The following REPS1 variants were observed in gnomAD, a reference collection of about 807,000 sequenced individuals.
REPS1 encodes the protein ralBP1-associated Eps domain-containing protein 1.
Under a neutral mutation model 100.9 loss-of-function variants are expected in REPS1, and 39 were observed. The ratio of observed to expected loss-of-function variants is 0.39; its 90% confidence interval spans 0.30 to 0.50. REPS1 has a LOEUF of 0.50. Among genes scored for constraint, REPS1 ranks in the 20% least tolerant of loss-of-function variants. The pLI, the probability that REPS1 is intolerant of heterozygous loss-of-function variation, is 0.86. For missense variants in REPS1, 821 were observed against 968.5 expected (o/e 0.85, Z 2.02); for synonymous variants, 324 against 340.3 (o/e 0.95, Z 0.53).
rs1377280156 is a variant in REPS1 at position 138,935,866 on chromosome 6, G to C, written c.1135+5469C>G. Among the ~76,000 whole-genome samples, 7 of 73,254 alleles carry C rather than the reference G, an allele frequency of 9.6e-5. 2 individuals are homozygous for C. The highest frequency in any genetic ancestry group is 1.1e-3 in the South Asian group (2 of 1,832). The allele number at this position is 73,254 out of a possible 152,430, so 48.1% of individuals were successfully genotyped here. ...AAGACTCCATCTTGGCGGGGGGGGG[G>C]GGCGCGGGGGAGTGGTGGCCAGGGA... is the stretch of plus-strand genomic sequence containing the variant. On this transcript the variant is annotated intron_variant, in intron 8 of 19. Coordinates refer to ENST00000450536, the MANE Select transcript of REPS1 (RefSeq NM_001286611.2).
At chr6:138,908,936 C>G in intron 17 of REPS1, 120 bp from the exon 18 acceptor site, 1 of 870,274 alleles carries the variant, frequency 1.1e-6, no homozygotes, top group Non-Finnish European at 1.7e-6. Context: ...GTTACTTGTC[C>G]TACTTTAAAT....
chr6:138,978,361 T>G (rs1461848397), intron 1 of REPS1, among the ~76,000 whole-genome samples: 5 of 151,224 alleles, frequency 3.3e-5, no homozygotes, highest in Non-Finnish European at 7.4e-5. Context: ...CAATCTCGGG[T>G]CTCTCTGACC....
intron 1 of REPS1, chr6:138,951,276 A>G (rs1783020260): frequency 6.6e-6 from 1 of 152,198 alleles, no homozygotes; most frequent in African/African-American, 2.4e-5. Flanking sequence ...TATATTTTCA[A>G]AAACCACATA....
At chr6:138,916,162 A>T in intron 13 of REPS1, 186 bp from the exon 14 acceptor site, 4 of 457,032 alleles carry the variant, frequency 8.8e-6, no homozygotes, top group Admixed American at 4.4e-5. Context: ...ACAACTGATT[A>T]TTTTATGTGG....
chr6:138,934,823 T>C (rs1303337631), intron 8 of REPS1, among the ~76,000 whole-genome samples: 1 of 151,328 alleles, frequency 6.6e-6, no homozygotes, highest in Non-Finnish European at 1.5e-5. Context: ...ATCTCATTAA[T>C]AACTTTATCA....
chr6:138,970,901 A>G (rs759121762), intron 1 of REPS1, among the ~76,000 whole-genome samples: 21 of 152,238 alleles, frequency 1.4e-4, no homozygotes, highest in Non-Finnish European at 2.6e-4. Flanking sequence ...AAGGAAGAAG[A>G]AAAATAGGAA....
At chr6:138,945,773 TAG>T in intron 2 of REPS1, 76 bp from the exon 3 acceptor site, 1 of 1,185,146 alleles carries the variant, frequency 8.4e-7, no homozygotes, top group Non-Finnish European at 1.1e-6. Flanking sequence ...AGACATGAAT[TAG>T]ATATTAGAAT....
chr6:138,937,734 T>C (rs527521578), intron 8 of REPS1, among the ~76,000 whole-genome samples: 2 of 152,300 alleles, frequency 1.3e-5, no homozygotes, highest in East Asian at 3.9e-4. Flanking sequence ...AGAAAACAGT[T>C]AAAAATCATT....
At chr6:138,963,310 T>C (rs1783842247) in intron 1 of REPS1, among the ~76,000 whole-genome samples, 2 of 152,226 alleles carry the variant, frequency 1.3e-5, no homozygotes, top group Non-Finnish European at 2.9e-5. Context: ...CCATGTATTA[T>C]GTTAACCACA....
intron 8 of REPS1, among the ~76,000 whole-genome samples, chr6:138,936,447 G>A (rs1033368316): frequency 1.3e-5 from 2 of 152,020 alleles, no homozygotes; most frequent in African/African-American, 4.8e-5. Context: ...GTCTTTGTCA[G>A]GATTTGAGTT....
chr6:138,954,206 A>T (rs1408412279), intron 1 of REPS1, among the ~76,000 whole-genome samples: 2 of 152,122 alleles, frequency 1.3e-5, no homozygotes, highest in Non-Finnish European at 2.9e-5. Flanking sequence ...ATAAGGAGAG[A>T]TTTGTTAAGG....
chr6:138,976,452 C>T (rs986946633), intron 1 of REPS1, among the ~76,000 whole-genome samples: 3 of 152,096 alleles, frequency 2.0e-5, no homozygotes, highest in African/African-American at 7.2e-5. Context: ...GAATGGCCCA[C>T]AAAAAGATTC....
intron 1 of REPS1, among the ~76,000 whole-genome samples, chr6:138,971,473 A>G (rs1229989747): frequency 1.6e-5 from 2 of 126,036 alleles, no homozygotes; most frequent in Non-Finnish European, 3.1e-5. Flanking sequence ...ATATTTTATG[A>G]AAAAAAAAAG....
chr6:138,931,969 GA>G (rs1488834912), intron 8 of REPS1, among the ~76,000 whole-genome samples: 1 of 152,098 alleles, frequency 6.6e-6, no homozygotes, highest in Non-Finnish European at 1.5e-5. Context: ...ACTAATTTTC[GA>G]AAGAATTTAT....
chr6:138,906,382 C>T (rs1361451785), intron 19 of REPS1, among the ~76,000 whole-genome samples: 4 of 152,276 alleles, frequency 2.6e-5, no homozygotes, highest in South Asian at 2.1e-4. Flanking sequence ...AGGGACAAGA[C>T]GGTCATAAGT....
intron 2 of REPS1, among the ~76,000 whole-genome samples, chr6:138,945,980 A>G (rs1782587616): frequency 6.6e-6 from 1 of 152,164 alleles, no homozygotes; most frequent in Non-Finnish European, 1.5e-5. Context: ...TTGCCACTGA[A>G]TATTTATTTC....
intron 15 of REPS1, among the ~76,000 whole-genome samples, chr6:138,913,350 A>C (rs1780142304): frequency 6.6e-6 from 1 of 152,096 alleles, no homozygotes. Context: ...TTTCTTAAAA[A>C]GCTTGCTCTA....
At chr6:138,933,005 A>T (rs529993450) in intron 8 of REPS1, among the ~76,000 whole-genome samples, 1 of 152,356 alleles carries the variant, frequency 6.6e-6, no homozygotes, top group East Asian at 1.9e-4. Context: ...AGATGTCAAC[A>T]TCTGAAAGAT....
intron 8 of REPS1, 65 bp downstream of exon 8, chr6:138,941,270 C>T: frequency 6.5e-7 from 1 of 1,530,608 alleles, no homozygotes; most frequent in Admixed American, 1.8e-5. Flanking sequence ...CTTGATTTTT[C>T]TTTCAGAATC....
Sources: gnomAD v4.1 joint callset for allele counts (sites outside exome capture counted in the v4.1 genomes callset) on GRCh38, gnomAD v4.1.1 for gene constraint, MANE v1.5 for transcripts, NCBI Gene and HGNC (gene_info 2026-07-23, HGNC 2026-07-21) for gene names.